GAA: variants seen among roughly 807,000 people sequenced by gnomAD.
GAA encodes the protein lysosomal alpha-glucosidase.
GAA carries 88 observed loss-of-function variants against 103.9 expected under a neutral mutation model. That is an observed-to-expected ratio of 0.85 (90% CI 0.71 to 1.01). The LOEUF (loss-of-function observed/expected upper bound fraction) is 1.01. Among genes scored for constraint, GAA ranks in the 50% least tolerant of loss-of-function variants. GAA has a pLI of 0.00. For missense variants in GAA, 1,350 were observed against 1,305.3 expected (o/e 1.03, Z -0.53); for synonymous variants, 572 against 563.1 (o/e 1.02, Z -0.22).
At position 80,110,978 on chromosome 17, in the gene GAA, A is replaced by C; in HGVS notation, c.1589A>C (p.Glu530Ala). 6.2e-7 allele frequency: 1 copy of C among 1,613,912 alleles called. No homozygotes were observed. Residue 530 changes from glutamate (E) to alanine (A), a missense_variant, in exon 11 of 20, where the codon GAG becomes GCG. By Grantham distance (107) the Glu-to-Ala change is moderately radical (BLOSUM62 -1). Transcript: ENST00000302262. ...NEPSNFIRGS[E>A]DGCPNNELEN... ...CCTTCCAACTTCATCAGGGGCTCTG[A>C]GGACGGCTGCCCCAACAATGAGCTG...
chr17:80,110,850 G>T lies in GAA; in HGVS notation c.1551+10G>T, dbSNP rs1002900770. The T allele has an allele frequency of 1.1e-5, 17 of 1,613,702 alleles. No individual in the cohort carries two copies. The highest frequency in any genetic ancestry group is 1.4e-5 in the Non-Finnish European group (17 of 1,179,790). On this transcript the variant is annotated intron_variant, in intron 10 of 19. Transcript: ENST00000302262. ...CGACGGCATGTGGATTGTAAGTGTG[G>T]CCCCCTCCTGAGCATCCCCAAGGCC...
At chr17:80,112,788 C>T (rs2039270914) in intron 13 of GAA, 77 bp downstream of exon 13, 3 of 1,575,682 alleles carry the variant, frequency 1.9e-6, no homozygotes, top group Admixed American at 1.8e-5. Context: ...GGGCCCCCCA[C>T]CCACTTAGCA....
intron 16 of GAA, among the ~76,000 whole-genome samples, 193 bp from the exon 17 acceptor site, chr17:80,117,407 C>T (rs771697388): frequency 2.4e-4 from 37 of 152,194 alleles, no homozygotes; most frequent in Admixed American, 2.3e-3. Flanking sequence ...CAGGCACTGT[C>T]CCCACTCAGT....
chr17:80,112,051 T>C lies in GAA; in HGVS notation c.1705T>C (p.Tyr569His), dbSNP rs761880090. ...CAGCCACCAGTTTCTCTCCACACAC[T>C]ACAACCTGCACAACCTCTACGGCCT... ...ASSHQFLSTH[Y>H]NLHNLYGLTE... Residue 569 changes from tyrosine (Y) to histidine (H), a missense_variant, in exon 12 of 20, where the codon TAC becomes CAC. Coordinates refer to ENST00000302262, the MANE Select transcript of GAA (RefSeq NM_000152.5). The C allele has an allele frequency of 3.7e-6, 6 of 1,614,040 alleles. No homozygotes were observed. The South Asian group carries it at 6.6e-5, about 18-fold the overall frequency.
At chr17:80,118,919 CAAGGGGGTCTTTGGGG>C (rs2039421895) in intron 19 of GAA, 114 bp downstream of exon 19, 3 of 1,314,428 alleles carry the variant, frequency 2.3e-6, no homozygotes, top group Non-Finnish European at 2.1e-6. Context: ...TGGGACCTCC[CAAGGGGGTCTTTGGGG>C]AGGAGTGGGA....
intron 8 of GAA, 134 bp downstream of exon 8, chr17:80,108,962 G>A: frequency 1.7e-6 from 2 of 1,173,468 alleles, no homozygotes; most frequent in Non-Finnish European, 2.3e-6. Context: ...GATATCGAGG[G>A]AATATCAAGA....
At chr17:80,109,524 A>G (rs1044004577) in intron 8 of GAA, among the ~76,000 whole-genome samples, 2 of 152,262 alleles carry the variant, frequency 1.3e-5, no homozygotes, top group South Asian at 4.1e-4. Context: ...GAGGAAGCAC[A>G]GATGAGATGT....
chr17:80,105,265 A>G (rs957905325), intron 2 of GAA, 133 bp downstream of exon 2: 12 of 920,076 alleles, frequency 1.3e-5, no homozygotes, highest in Non-Finnish European at 1.9e-5. Flanking sequence ...CGGAGGTGTG[A>G]GCAGACAATG....
rs772277394 is a variant in GAA, at chr17:80,119,321, G to A, written c.2849G>A (p.Ser950Asn). The A allele has an allele frequency of 6.2e-7, 1 of 1,614,002 alleles. No homozygotes were observed. The highest frequency in any genetic ancestry group is 2.2e-5 in the East Asian group (1 of 44,882). Reference protein sequence around the residue: ...SLLMGEQFLVSWC With the variant: ...SLLMGEQFLVNWC ...TTGATGGGAGAGCAGTTTCTCGTCA[G>A]CTGGTGTTAGCCGGGCGGAGTGTGT... The change falls in exon 20 of 20, where the codon AGC (serine) becomes AAC (asparagine). Residue 950 changes from serine (S) to asparagine (N), a missense_variant. Transcript: ENST00000302262.
At chr17:80,105,171 G>A (rs1431896652) in intron 2 of GAA, 39 bp downstream of exon 2, 6 of 1,567,148 alleles carry the variant, frequency 3.8e-6, no homozygotes, top group Non-Finnish European at 5.2e-6. Context: ...CCAGGGCAGA[G>A]GGTGCGCGTG....
At position 80,105,766 on chromosome 17, in the gene GAA, C is replaced by T. The variant is rs2039068461; in HGVS notation, c.564C>T (p.Asn188=). 2.5e-6 allele frequency: 4 copies of T among 1,612,430 alleles called. No homozygotes were observed. Among genetic ancestry groups the T allele is most frequent in the Non-Finnish European group, 3.4e-6 (4 of 1,179,944 alleles). ...TCTTCTAGATCAAAGATCCAGCTAA[C>T]AGGCGCTACGAGGTGCCCTTGGAGA... ...RLHFTIKDPA[N]RRYEVPLETP... Residue 188 remains asparagine, a synonymous_variant, in exon 3 of 20, where the codon AAC becomes AAT. Transcript: ENST00000302262.
Position 80,118,285 on chromosome 17 carries a change from C to G in GAA, c.2574C>G (p.Phe858Leu). 6.2e-7 allele frequency: 1 copy of G among 1,601,934 alleles called. No individual in the cohort carries two copies. Among genetic ancestry groups the G allele is most frequent in the East Asian group, 2.2e-5 (1 of 44,656 alleles). Residue 858 changes from phenylalanine (F) to leucine (L), a missense_variant, in exon 18 of 20, where the codon TTC (phenylalanine) becomes TTG (leucine). Coordinates refer to ENST00000302262, the MANE Select transcript of GAA (RefSeq NM_000152.5). ...GTGGGGAGGCCCGAGGGGAGCTGTT[C>G]TGGGACGATGGAGAGAGCCTGGAAG... The part of the protein sequence containing the change: ...TKGGEARGEL[F>L]WDDGESLEVL...
rs2039244155 is a variant in GAA, at chr17:80,111,917, G to T, written c.1637-66G>T. 5 of 1,362,160 alleles carry T rather than the reference G, an allele frequency of 3.7e-6. No homozygotes were observed. In the Admixed American group the frequency reaches 5.1e-5, roughly 14 times the overall value. The allele number at this position is 1,362,160 out of a possible 1,614,324, so 84.4% of individuals were successfully genotyped here. A position where few individuals can be genotyped will look rare whatever the true frequency, so the allele number is the denominator to read the frequency against. On this transcript the variant is annotated intron_variant, in intron 11 of 19. Transcript: ENST00000302262. ...CACAGGGGCTCCTGGGAGGTGGGGG[G>T]CAGGGAGGGCACCTTGGAGCCTGCC...
In GAA at chr17:80,110,710, A is replaced by G. The variant is rs916432091; in HGVS notation, c.1438-17A>G. ...GGGTGGGGCCGGGTCTCCCCACTGC[A>G]GCCTCTCGTTGTCCAGGTATGGCCC... On this transcript the variant is annotated splice_polypyrimidine_tract_variant and intron_variant, in intron 9 of 19. Transcript: ENST00000302262. 1 of 1,611,020 alleles carries G rather than the reference A, an allele frequency of 6.2e-7. No individual in the cohort carries two copies. The highest frequency in any genetic ancestry group is 1.3e-5 in the African/African-American group (1 of 74,854).
At position 80,108,203 on chromosome 17, in the gene GAA, C is replaced by T. The variant is rs1297171661; in HGVS notation, c.956-87C>T. 1.9e-6 allele frequency: 3 copies of T among 1,607,822 alleles called. No homozygotes were observed. The South Asian group carries it at 3.3e-5, about 18-fold the overall frequency. Reference sequence around the variant, plus strand: ...TCCTCGTGGGGAGAGAGCCTCAACTCTCCGCCTGTGATTGGCCCATCTGTG... The same window carrying T: ...TCCTCGTGGGGAGAGAGCCTCAACTTTCCGCCTGTGATTGGCCCATCTGTG... On this transcript the variant is annotated intron_variant, in intron 5 of 19. Transcript: ENST00000302262.
chr17:80,113,796 A>G (rs1400310489), intron 15 of GAA, among the ~76,000 whole-genome samples: 1 of 152,138 alleles, frequency 6.6e-6, no homozygotes, highest in Non-Finnish European at 1.5e-5. Context: ...AGGCGAGTGG[A>G]TCACCTGAGG....
chr17:80,112,042 T>G lies in GAA; in HGVS notation c.1696T>G (p.Ser566Ala). The change falls in exon 12 of 20, where the codon TCC becomes GCC. Residue 566 changes from serine to alanine, a missense_variant. Coordinates refer to ENST00000302262, the MANE Select transcript of GAA (RefSeq NM_000152.5). Reference sequence around the variant, plus strand: ...CTGTGCCTCCAGCCACCAGTTTCTCTCCACACACTACAACCTGCACAACCT... The same window carrying G: ...CTGTGCCTCCAGCCACCAGTTTCTCGCCACACACTACAACCTGCACAACCT... ...TICASSHQFL[S>A]THYNLHNLYG... 6.2e-7 allele frequency: 1 copy of G among 1,614,002 alleles called. No individual in the cohort carries two copies. Among genetic ancestry groups the G allele is most frequent in the Non-Finnish European group, 8.5e-7 (1 of 1,179,934 alleles).
chr17:80,118,577 C>T (rs1283899525), intron 18 of GAA, 76 bp from the exon 19 acceptor site: 1 of 1,564,932 alleles, frequency 6.4e-7, no homozygotes, highest in Admixed American at 1.7e-5. Context: ...TCCCTGTTCT[C>T]ATGGGTGTTC....
intron 3 of GAA, among the ~76,000 whole-genome samples, chr17:80,106,096 C>A (rs994274351): frequency 6.6e-6 from 1 of 152,306 alleles, no homozygotes; most frequent in Non-Finnish European, 1.5e-5. Flanking sequence ...CCCATGTAAA[C>A]ACGTGTTCAG....
Sources: gnomAD v4.1 joint callset for allele counts (sites outside exome capture counted in the v4.1 genomes callset) on GRCh38, gnomAD v4.1.1 for gene constraint, MANE v1.5 for transcripts, NCBI Gene and HGNC (gene_info 2026-07-23, HGNC 2026-07-21) for gene names.